ATE1: variants seen among roughly 807,000 people sequenced by gnomAD.
The protein encoded by ATE1 is arginyltransferase 1, also known as arginyl-tRNA--protein transferase 1.
ATE1 carries 36 observed loss-of-function variants against 70.5 expected under a neutral mutation model. The ratio of observed to expected loss-of-function variants is 0.51; its 90% CI spans 0.39 to 0.67. The LOEUF is 0.67. ATE1 is among the 30% of genes least tolerant of loss of function. ATE1 has a pLI of 0.00. For missense variants in ATE1, 593 were observed against 629.5 expected (o/e 0.94, Z 0.62); for synonymous variants, 232 against 219.3 (o/e 1.06, Z -0.51).
Position 121,911,133 on chromosome 10 carries a change from G to A in ATE1, c.356C>T (p.Thr119Ile), listed in dbSNP as rs1318311641. Residue 119 changes from threonine (T) to isoleucine (I), a missense_variant, in exon 5 of 12, where the codon ACA (threonine) becomes ATA (isoleucine). Thr to Ile is a moderately conservative substitution (Grantham distance 89). Around this residue, in one of 3 missense-constraint regions of ATE1, gnomAD observed 467 missense variants for 469.6 expected, o/e 0.99. Coordinates refer to ENST00000224652, the MANE Select transcript of ATE1 (RefSeq NM_001001976.3). ...GSCEDEPMDSTMDDAVAGDFA... is the reference protein window; with the variant it reads ...GSCEDEPMDSIMDDAVAGDFA... ...GTCACCCGCAACAGCATCATCCATTGTGGAATCCATGGGCTCATCTACAAA... is the reference window on the plus strand; with the variant it reads ...GTCACCCGCAACAGCATCATCCATTATGGAATCCATGGGCTCATCTACAAA... The A allele has an allele frequency of 3.7e-6, 6 of 1,608,006 alleles. No individual in the cohort carries two copies. In the South Asian group the frequency reaches 6.7e-5, roughly 18 times the overall value.
chr10:121,879,761 A>G (rs908553494), intron 7 of ATE1, among the ~76,000 whole-genome samples: 1 of 152,222 alleles, frequency 6.6e-6, no homozygotes, highest in African/African-American at 2.4e-5. Flanking sequence ...GTCACCAGTA[A>G]GGAAGACCCA....
At chr10:121,761,344 G>A (rs1564815729) in intron 11 of ATE1, among the ~76,000 whole-genome samples, 1 of 152,216 alleles carries the variant, frequency 6.6e-6, no homozygotes, top group Non-Finnish European at 1.5e-5. Flanking sequence ...TGATTAGTCA[G>A]CAGCTGTCAA....
intron 11 of ATE1, among the ~76,000 whole-genome samples, chr10:121,774,182 G>C (rs909867963): frequency 6.6e-6 from 1 of 152,138 alleles, no homozygotes; most frequent in African/African-American, 2.4e-5. Context: ...TCTTGAACAG[G>C]ATGTTTTTTA....
At chr10:121,900,615 A>C (rs974486745) in intron 6 of ATE1, among the ~76,000 whole-genome samples, 1 of 152,250 alleles carries the variant, frequency 6.6e-6, no homozygotes, top group Non-Finnish European at 1.5e-5. Context: ...CTTTAACATT[A>C]TTTACTAGCC....
At chr10:121,885,892 A>C (rs941211810) in intron 7 of ATE1, among the ~76,000 whole-genome samples, 8 of 152,118 alleles carry the variant, frequency 5.3e-5, no homozygotes, top group African/African-American at 1.9e-4. Context: ...AGAGGGAAAG[A>C]CTGTCTCTAA....
intron 10 of ATE1, among the ~76,000 whole-genome samples, chr10:121,830,885 T>C (rs1011869941): frequency 6.6e-6 from 1 of 152,190 alleles, no homozygotes; most frequent in Admixed American, 6.5e-5. Flanking sequence ...CGTAATATAT[T>C]GGAAAAAATT....
chr10:121,770,891 C>A (rs1204044643), intron 11 of ATE1, among the ~76,000 whole-genome samples: 7 of 152,082 alleles, frequency 4.6e-5, no homozygotes, highest in African/African-American at 1.7e-4. Context: ...AAGAACAGCA[C>A]TTAACCAGTA....
chr10:121,859,450 G>A (rs2133942673), intron 8 of ATE1, among the ~76,000 whole-genome samples: 1 of 151,738 alleles, frequency 6.6e-6, no homozygotes, highest in South Asian at 2.1e-4. Context: ...TAGAGACGGG[G>A]TTTCACCGTT....
chr10:121,779,031 T>C (rs1460171651), intron 11 of ATE1, among the ~76,000 whole-genome samples: 1 of 152,116 alleles, frequency 6.6e-6, no homozygotes, highest in Non-Finnish European at 1.5e-5. Context: ...ACCTCTGAAA[T>C]AGTAAAATCA....
chr10:121,743,763 G>A lies in ATE1; in HGVS notation c.1474C>T (p.Pro492Ser). ...TGCAGAACAGCAGCCTCCTCACTTG[G>A]GTCTTTCTGCTGTTTCTTATAAACA... ...YGVYKKQQKD[P>S]SEEAAVLQYA... is the part of the protein sequence containing the mutation. Residue 492 changes from proline (P) to serine (S), a missense_variant, in exon 12 of 12, where the codon CCA (proline) becomes TCA (serine). This residue lies in a region of ATE1 where 90 missense variants were observed against 93.7 expected (regional missense o/e 0.96). Coordinates refer to ENST00000224652, the MANE Select transcript of ATE1 (RefSeq NM_001001976.3). 2 of 1,613,868 alleles carry A rather than the reference G, an allele frequency of 1.2e-6. No individual in the cohort carries two copies. Among genetic ancestry groups the A allele is most frequent in the Non-Finnish European group, 1.7e-6 (2 of 1,179,988 alleles).
intron 7 of ATE1, among the ~76,000 whole-genome samples, chr10:121,899,264 G>A (rs527893532): frequency 9.9e-5 from 15 of 151,992 alleles, no homozygotes; most frequent in Non-Finnish European, 1.6e-4. Flanking sequence ...GTTAATCATG[G>A]TGATGATCGC....
chr10:121,801,899 A>G (rs1946894596), intron 10 of ATE1, among the ~76,000 whole-genome samples: 1 of 151,834 alleles, frequency 6.6e-6, no homozygotes, highest in African/African-American at 2.4e-5. Context: ...TCCAATATCT[A>G]TAAGGAAAGT....
chr10:121,867,885 C>T (rs554177932), intron 8 of ATE1, among the ~76,000 whole-genome samples: 6 of 152,216 alleles, frequency 3.9e-5, no homozygotes, highest in South Asian at 2.1e-4. Context: ...ATTTATTTGA[C>T]GTGTTCCTGT....
chr10:121,833,554 C>T (rs1477546887), intron 10 of ATE1, among the ~76,000 whole-genome samples: 1 of 150,838 alleles, frequency 6.6e-6, no homozygotes, highest in Non-Finnish European at 1.5e-5. Flanking sequence ...ATGATGAAAT[C>T]TAGTCTTAAG....
intron 11 of ATE1, among the ~76,000 whole-genome samples, chr10:121,756,202 G>C (rs1944793383): frequency 1.3e-5 from 2 of 152,200 alleles, no homozygotes; most frequent in Admixed American, 1.3e-4. Flanking sequence ...GTTCCAAAAT[G>C]ATCTCCTTTG....
intron 10 of ATE1, among the ~76,000 whole-genome samples, chr10:121,811,283 G>A (rs984638770): frequency 1.3e-5 from 2 of 152,092 alleles, no homozygotes; most frequent in African/African-American, 4.8e-5. Context: ...CAGGGAGAGA[G>A]AGGGGGAGAA....
chr10:121,901,894 T>G (rs538383255), intron 6 of ATE1, among the ~76,000 whole-genome samples: 35 of 152,310 alleles, frequency 2.3e-4, no homozygotes, highest in Non-Finnish European at 4.7e-4. Context: ...TTGGCACTAA[T>G]GAGAGAGGAT....
At chr10:121,877,462 T>C (rs1290054531) in intron 7 of ATE1, among the ~76,000 whole-genome samples, 1 of 152,136 alleles carries the variant, frequency 6.6e-6, no homozygotes, top group Non-Finnish European at 1.5e-5. Flanking sequence ...TTCCTAGGTA[T>C]GGAGTATAGT....
At chr10:121,748,106 T>C (rs763957469) in intron 11 of ATE1, among the ~76,000 whole-genome samples, 7 of 152,226 alleles carry the variant, frequency 4.6e-5, no homozygotes, top group Non-Finnish European at 1.0e-4. Flanking sequence ...TAAATTGGAA[T>C]TTTAAAGTAT....
Sources: gnomAD v4.1 joint callset for allele counts (sites outside exome capture counted in the v4.1 genomes callset) on GRCh38, gnomAD v4.1.1 for gene constraint, gnomAD v4.1.1 regional missense constraint, MANE v1.5 for transcripts, NCBI Gene and HGNC (gene_info 2026-07-23, HGNC 2026-07-21) for gene names.